Variants in SEMA6A observed in about 807,000 individuals in gnomAD.
SEMA6A encodes the protein semaphorin 6A, also known as semaphorin-6A.
In SEMA6A, 25 loss-of-function variants were observed where a neutral mutation model predicts 96.8. The ratio of observed to expected loss-of-function variants is 0.26; its 90% CI spans 0.19 to 0.36. SEMA6A has a LOEUF of 0.36. Among genes scored for constraint, SEMA6A ranks in the 10% least tolerant of loss-of-function variants. The pLI is 1.00. For synonymous variants in SEMA6A, 612 were observed against 518.0 expected (o/e 1.18, Z -2.46); for missense variants, 1,363 against 1,323.1 (o/e 1.03, Z -0.47).
chr5:116,553,881 T>A (rs544358093), intron 1 of SEMA6A, among the ~76,000 whole-genome samples: 1 of 152,336 alleles, frequency 6.6e-6, no homozygotes, highest in South Asian at 2.1e-4. Context: ...TATACCATTT[T>A]TTAAAATAAG....
chr5:116,480,186 G>C lies in SEMA6A; in HGVS notation c.1186C>G (p.Pro396Ala). The change falls in exon 12 of 19, where the codon CCG becomes GCG. Residue 396 changes from proline (P) to alanine (A), a missense_variant. By Grantham distance (27) the Pro-to-Ala change is conservative. This residue lies in a region of SEMA6A where 480 missense variants were observed against 559.5 expected (regional missense o/e 0.86). Transcript: ENST00000343348. ...DDTLNFIKTH[P>A]LMDEAVPSIF... is the part of the protein sequence containing the mutation. ...GAGGGCACTGCCTCATCCATGAGCG[G>C]GTGCGTCTTGATGAAGTTCAGGGTA... The C allele has an allele frequency of 2.5e-6, 4 of 1,613,810 alleles. No individual in the cohort carries two copies. The highest frequency in any genetic ancestry group is 3.4e-6 in the Non-Finnish European group (4 of 1,179,782).
intron 10 of SEMA6A, among the ~76,000 whole-genome samples, 181 bp from the exon 11 acceptor site, chr5:116,482,756 C>T (rs1029104816): frequency 6.6e-6 from 1 of 152,174 alleles, no homozygotes; most frequent in Non-Finnish European, 1.5e-5. Context: ...AAATTTGCAT[C>T]AGTTGCCTTA....
At position 116,449,180 on chromosome 5, in the gene SEMA6A, A is replaced by G; in HGVS notation, c.1895-1369T>C. Reference sequence around the variant, plus strand: ...ATCTTAAGTGCTTGATGCAGTCGCTAAAAAATAAAATCTCTAATACCTCAA... The same window carrying G: ...ATCTTAAGTGCTTGATGCAGTCGCTGAAAAATAAAATCTCTAATACCTCAA... On this transcript the variant is annotated intron_variant, in intron 18 of 18. Transcript: ENST00000343348. 10 of 582,390 alleles carry G rather than the reference A, an allele frequency of 1.7e-5. No individual in the cohort carries two copies. In the South Asian group the frequency reaches 2.2e-4, roughly 13 times the overall value. The allele number at this position is 582,390 out of a possible 1,614,324, so 36.1% of individuals were successfully genotyped here. A position where few individuals can be genotyped will look rare whatever the true frequency, so the allele number is the denominator to read the frequency against.
chr5:116,522,711 CT>C (rs1352741985), intron 1 of SEMA6A, among the ~76,000 whole-genome samples: 13 of 152,108 alleles, frequency 8.5e-5, no homozygotes, highest in African/African-American at 3.1e-4. Flanking sequence ...GATTCCAGTA[CT>C]GCAGATGGGA....
intron 1 of SEMA6A, among the ~76,000 whole-genome samples, chr5:116,532,587 C>T (rs1056396717): frequency 1.3e-5 from 2 of 152,142 alleles, no homozygotes; most frequent in Non-Finnish European, 2.9e-5. Context: ...CCCCTCTGGG[C>T]TTCGGTGACC....
chr5:116,447,720 C>T lies in SEMA6A; in HGVS notation c.1986G>A (p.Gly662=). ...AGACGGTGATGCCCGAGAAGACGGC[C>T]CCCATGACGAAAGCCAGGATGACTG... ...AIAVILAFVM[G]AVFSGITVYC... is the part of the protein sequence containing the mutation. The change falls in exon 19 of 19, where the codon GGG becomes GGA. Residue 662 remains glycine (G), a synonymous_variant. Transcript: ENST00000343348. The T allele has an allele frequency of 6.2e-7, 1 of 1,613,914 alleles. No homozygotes were observed. The highest frequency in any genetic ancestry group is 8.5e-7 in the Non-Finnish European group (1 of 1,179,854).
At chr5:116,568,146 T>A (rs537695683) in intron 1 of SEMA6A, among the ~76,000 whole-genome samples, 1 of 152,210 alleles carries the variant, frequency 6.6e-6, no homozygotes, top group Non-Finnish European at 1.5e-5. Flanking sequence ...GGATCTCTGT[T>A]ATATCCAGGG....
At chr5:116,477,964 T>G (rs371436437) in intron 14 of SEMA6A, 38 bp from the exon 15 acceptor site, 6 of 1,613,790 alleles carry the variant, frequency 3.7e-6, no homozygotes, top group Non-Finnish European at 5.1e-6. Flanking sequence ...CCTAGGACTG[T>G]TTCCTAGCCA....
intron 1 of SEMA6A, among the ~76,000 whole-genome samples, chr5:116,530,776 C>G (rs188582631): frequency 1.3e-5 from 2 of 152,188 alleles, no homozygotes; most frequent in Admixed American, 1.3e-4. Context: ...TAATCAGTGA[C>G]CAAAAATACA....
intron 1 of SEMA6A, among the ~76,000 whole-genome samples, chr5:116,525,782 T>G (rs1260452511): frequency 6.6e-6 from 1 of 152,218 alleles, no homozygotes; most frequent in African/African-American, 2.4e-5. Context: ...CTACTTGGCT[T>G]GTAGTTCTCT....
intron 1 of SEMA6A, among the ~76,000 whole-genome samples, chr5:116,542,995 AT>A (rs1561528000): frequency 6.6e-6 from 1 of 152,190 alleles, no homozygotes; most frequent in African/African-American, 2.4e-5. Context: ...GTAAGTACAT[AT>A]ATTTGAATAC....
chr5:116,447,114 G>T lies in SEMA6A; in HGVS notation c.2592C>A (p.Pro864=), dbSNP rs374916648. Reference sequence around the variant, plus strand: ...TCTCCACAAGGTTCACCCCATGGTTGGGACTCTTGCTGCTGAGATGTTCCT... The same window carrying T: ...TCTCCACAAGGTTCACCCCATGGTTTGGACTCTTGCTGCTGAGATGTTCCT... The part of the protein sequence containing the change: ...TIKEHLSSKS[P]NHGVNLVENL... The change falls in exon 19 of 19, where the codon CCC becomes CCA. Residue 864 remains proline, a synonymous_variant. Transcript: ENST00000343348. The T allele has an allele frequency of 6.2e-7, 1 of 1,613,862 alleles. No homozygotes were observed. Among genetic ancestry groups the T allele is most frequent in the African/African-American group, 1.3e-5 (1 of 74,932 alleles).
intron 4 of SEMA6A, 131 bp from the exon 5 acceptor site, chr5:116,496,444 T>G: frequency 1.6e-6 from 1 of 643,298 alleles, no homozygotes; most frequent in Non-Finnish European, 2.6e-6. Flanking sequence ...CCTTTCTCCA[T>G]GATTAATTCA....
chr5:116,473,181 A>T, intron 16 of SEMA6A, 88 bp from the exon 17 acceptor site: 1 of 1,314,042 alleles, frequency 7.6e-7, no homozygotes. Flanking sequence ...CTAACACAGA[A>T]CTATGCCAGC....
At chr5:116,543,999 A>G (rs1760083187) in intron 1 of SEMA6A, among the ~76,000 whole-genome samples, 1 of 152,152 alleles carries the variant, frequency 6.6e-6, no homozygotes, top group African/African-American at 2.4e-5. Context: ...TGGCATTACT[A>G]ATACAGATTA....
chr5:116,540,387 T>C (rs891898393), intron 1 of SEMA6A, among the ~76,000 whole-genome samples: 1 of 152,230 alleles, frequency 6.6e-6, no homozygotes, highest in African/African-American at 2.4e-5. Flanking sequence ...TGCCTGTATG[T>C]TGCTTCCACC....
At chr5:116,509,543 C>T (rs918888998) in intron 1 of SEMA6A, among the ~76,000 whole-genome samples, 5 of 151,944 alleles carry the variant, frequency 3.3e-5, no homozygotes, top group South Asian at 2.1e-4. Context: ...AAGATTCCTC[C>T]GGCTCTGTGA....
intron 5 of SEMA6A, 91 bp downstream of exon 5, chr5:116,496,160 C>G: frequency 1.8e-6 from 2 of 1,091,192 alleles, no homozygotes; most frequent in Non-Finnish European, 2.7e-6. Context: ...GGAAAAAGCA[C>G]AATCCATTCT....
chr5:116,471,867 A>G (rs944321726), intron 17 of SEMA6A, among the ~76,000 whole-genome samples: 1 of 152,230 alleles, frequency 6.6e-6, no homozygotes, highest in African/African-American at 2.4e-5. Flanking sequence ...TCTTTGGATC[A>G]TAAACCTGCA....
Sources: allele counts gnomAD v4.1 joint callset (sites outside exome capture counted in the v4.1 genomes callset), GRCh38; gene constraint gnomAD v4.1.1; regional missense constraint gnomAD v4.1.1; transcripts MANE v1.5; gene names NCBI Gene and HGNC (gene_info 2026-07-23, HGNC 2026-07-21).